Variants in OPCML observed in about 807,000 individuals in gnomAD.
OPCML encodes opioid binding protein/cell adhesion molecule like.
In OPCML, 13 loss-of-function variants were observed where a neutral mutation model predicts 37.8. The observed-to-expected ratio is 0.34, with a 90% CI of 0.22 to 0.55. OPCML has a LOEUF of 0.55. OPCML is among the 20% of genes least tolerant of loss of function. The pLI is 0.91. For missense variants in OPCML, 341 were observed against 435.6 expected (o/e 0.78, Z 1.93); for synonymous variants, 176 against 168.8 (o/e 1.04, Z -0.33).
intron 2 of OPCML, among the ~76,000 whole-genome samples, chr11:132,700,582 G>A (rs560816742): frequency 2.0e-5 from 3 of 152,080 alleles, no homozygotes; most frequent in Non-Finnish European, 4.4e-5. Flanking sequence ...CCAAATATTT[G>A]TGAGTTTTCC....
chr11:132,580,369 A>C (rs973308149), intron 3 of OPCML, among the ~76,000 whole-genome samples: 3 of 152,230 alleles, frequency 2.0e-5, no homozygotes, highest in African/African-American at 7.2e-5. Flanking sequence ...TTAATGCTCA[A>C]TGAAAATGTA....
intron 3 of OPCML, 145 bp downstream of exon 3, chr11:132,656,942 A>G: frequency 5.0e-6 from 7 of 1,412,784 alleles, no homozygotes; most frequent in Non-Finnish European, 6.6e-6. Context: ...TCGATGGGAA[A>G]CATTCCAAGA....
intron 2 of OPCML, among the ~76,000 whole-genome samples, chr11:132,872,369 G>A (rs940767667): frequency 6.6e-6 from 1 of 152,038 alleles, no homozygotes; most frequent in Non-Finnish European, 1.5e-5. Flanking sequence ...CAGATCTGGC[G>A]TGCTGCCAAA....
intron 2 of OPCML, among the ~76,000 whole-genome samples, chr11:132,811,104 C>T (rs1939313566): frequency 6.6e-6 from 1 of 152,166 alleles, no homozygotes. Flanking sequence ...TGTGCACTAA[C>T]TACCTACAAG....
chr11:133,383,865 C>T (rs1944983019), intron 1 of OPCML, among the ~76,000 whole-genome samples: 1 of 152,148 alleles, frequency 6.6e-6, no homozygotes, highest in Non-Finnish European at 1.5e-5. Flanking sequence ...AGGATGTCTA[C>T]ACCTGCAGTG....
chr11:132,835,462 G>T (rs1457624086), intron 2 of OPCML, among the ~76,000 whole-genome samples: 2 of 152,208 alleles, frequency 1.3e-5, no homozygotes, highest in Admixed American at 1.3e-4. Context: ...ACTGAGACCA[G>T]TTGTCTAGAA....
At chr11:132,424,306 A>T (rs1592152964) in intron 7 of OPCML, among the ~76,000 whole-genome samples, 2 of 152,196 alleles carry the variant, frequency 1.3e-5, no homozygotes. Flanking sequence ...TTTTTAGTAG[A>T]GACGGGGTTT....
intron 2 of OPCML, among the ~76,000 whole-genome samples, chr11:132,748,304 ATCT>A (rs1945708907): frequency 6.6e-6 from 1 of 152,072 alleles, no homozygotes; most frequent in African/African-American, 2.4e-5. Context: ...GGTTCACTGC[ATCT>A]TCCTCTCTTT....
chr11:132,751,284 G>A (rs1945823379), intron 2 of OPCML, among the ~76,000 whole-genome samples: 1 of 152,130 alleles, frequency 6.6e-6, no homozygotes, highest in Non-Finnish European at 1.5e-5. Context: ...TCCTCCAGCG[G>A]TGGTGAGACT....
chr11:132,545,735 C>A (rs2096367251), intron 3 of OPCML, among the ~76,000 whole-genome samples: 1 of 152,062 alleles, frequency 6.6e-6, no homozygotes, highest in African/African-American at 2.4e-5. Context: ...TACTGTTGTT[C>A]TCATATTTAA....
intron 2 of OPCML, among the ~76,000 whole-genome samples, chr11:132,854,654 T>C (rs538277161): frequency 6.6e-6 from 1 of 152,368 alleles, no homozygotes; most frequent in East Asian, 1.9e-4. Context: ...ATATTTCTCA[T>C]AAATCACAAT....
At chr11:132,642,648 TA>T (rs1940919778) in intron 3 of OPCML, among the ~76,000 whole-genome samples, 1 of 152,222 alleles carries the variant, frequency 6.6e-6, no homozygotes. Context: ...GGAATTAACC[TA>T]GCAGTGGAAA....
intron 1 of OPCML, among the ~76,000 whole-genome samples, chr11:133,151,453 A>G (rs4367953): frequency 6.6e-6 from 1 of 150,698 alleles, no homozygotes; most frequent in African/African-American, 2.4e-5. Flanking sequence ...AAGAGAATGT[A>G]TTTTTTTTTC....
At chr11:132,532,112 T>G (rs904274844) in intron 3 of OPCML, among the ~76,000 whole-genome samples, 1 of 152,178 alleles carries the variant, frequency 6.6e-6, no homozygotes, top group Non-Finnish European at 1.5e-5. Context: ...GATTAAGAGA[T>G]ATGTAAAATT....
chr11:132,599,422 GA>G (rs1269073139), intron 3 of OPCML, among the ~76,000 whole-genome samples: 1 of 121,300 alleles, frequency 8.2e-6, no homozygotes, highest in Non-Finnish European at 1.8e-5. Context: ...GAAGAAGGAG[GA>G]AGAAGGTGGA....
chr11:132,666,581 A>C (rs910823630), intron 2 of OPCML, among the ~76,000 whole-genome samples: 7 of 152,248 alleles, frequency 4.6e-5, no homozygotes, highest in Non-Finnish European at 8.8e-5. Context: ...TCACACATGC[A>C]GTCTAGAGAC....
chr11:133,196,863 C>T (rs192068279), intron 1 of OPCML, among the ~76,000 whole-genome samples: 19 of 152,308 alleles, frequency 1.2e-4, no homozygotes, highest in Admixed American at 1.2e-3. Context: ...AGGACCTGTT[C>T]CTGTAACTGC....
At position 132,416,417 on chromosome 11, in the gene OPCML, C is replaced by T. The variant is rs1565542119; in HGVS notation, c.*3776G>A. On this transcript the variant is annotated 3_prime_UTR_variant, in exon 8 of 8. Transcript: ENST00000524381. The stretch of plus-strand genomic sequence containing the variant: ...TGATGCCGCCACAGGGATAAGCTCT[C>T]GTCGGGGTTGCCTGCCCACTTTGGG... 6.6e-6 allele frequency: 1 copy of T among 152,248 alleles called. No homozygotes were observed. The highest frequency in any genetic ancestry group is 1.5e-5 in the Non-Finnish European group (1 of 68,052). The allele number at this position is 152,248 out of a possible 1,614,324, so 9.4% of individuals were successfully genotyped here. A position where few individuals can be genotyped will look rare whatever the true frequency, so the allele number is the denominator to read the frequency against.
intron 2 of OPCML, among the ~76,000 whole-genome samples, chr11:132,787,856 C>A (rs1364679475): frequency 6.6e-6 from 1 of 152,116 alleles, no homozygotes; most frequent in Non-Finnish European, 1.5e-5. Context: ...ATCCAACAAG[C>A]TCTTTCACAT....
Sources: allele counts gnomAD v4.1 joint callset (sites outside exome capture counted in the v4.1 genomes callset), GRCh38; gene constraint gnomAD v4.1.1; transcripts MANE v1.5; gene names NCBI Gene and HGNC (gene_info 2026-07-23, HGNC 2026-07-21).